The following PTPN5 variants were observed in gnomAD, a reference collection of about 807,000 sequenced individuals.
PTPN5 encodes protein tyrosine phosphatase non-receptor type 5.
In PTPN5, 29 loss-of-function variants were observed where a neutral mutation model predicts 73.9. The observed-to-expected ratio is 0.39, with a 90% CI of 0.29 to 0.54. PTPN5 has a LOEUF of 0.54. Ranked by LOEUF, PTPN5 falls within the 20% of genes least tolerant of loss-of-function variation. The pLI is 0.65. For synonymous variants in PTPN5, 267 were observed against 304.7 expected, an observed-to-expected ratio of 0.88 and a Z score of 1.29; for missense variants, 652 against 751.4, an observed-to-expected ratio of 0.87 and a Z score of 1.55.
At chr11:18,764,180 C>T (rs374992489) in intron 3 of PTPN5, among the ~76,000 whole-genome samples, 3 of 152,296 alleles carry the variant, frequency 2.0e-5, no homozygotes, top group East Asian at 1.9e-4. Context: ...TGACGGAACA[C>T]GCATTTCTTC....
At chr11:18,776,908 T>C (rs960626645) in intron 1 of PTPN5, among the ~76,000 whole-genome samples, 2 of 152,294 alleles carry the variant, frequency 1.3e-5, no homozygotes, top group South Asian at 2.1e-4. Flanking sequence ...ATGCCTGTAA[T>C]CCCAGAACTT....
intron 9 of PTPN5, among the ~76,000 whole-genome samples, chr11:18,735,092 C>T (rs1849056689): frequency 6.6e-6 from 1 of 152,176 alleles, no homozygotes; most frequent in Admixed American, 6.5e-5. Flanking sequence ...GTCCTTATGC[C>T]AGTAACTAGG....
chr11:18,747,962 G>C (rs1849714749), intron 3 of PTPN5, among the ~76,000 whole-genome samples: 1 of 152,106 alleles, frequency 6.6e-6, no homozygotes, highest in Non-Finnish European at 1.5e-5. Flanking sequence ...CAGTTCTTTG[G>C]GGTGGGGTGA....
chr11:18,763,687 T>A (rs749003576), intron 3 of PTPN5, among the ~76,000 whole-genome samples: 2 of 152,244 alleles, frequency 1.3e-5, no homozygotes, highest in Non-Finnish European at 2.9e-5. Context: ...TCTGTTTTAT[T>A]TACCTCTATA....
At chr11:18,781,066 A>G (rs1288163223) in intron 1 of PTPN5, among the ~76,000 whole-genome samples, 3 of 152,122 alleles carry the variant, frequency 2.0e-5, no homozygotes, top group Non-Finnish European at 4.4e-5. Flanking sequence ...TAGGCTTGAC[A>G]CAGAGACCTC....
chr11:18,747,600 T>A (rs1333715192), intron 3 of PTPN5, among the ~76,000 whole-genome samples: 1 of 152,218 alleles, frequency 6.6e-6, no homozygotes, highest in African/African-American at 2.4e-5. Flanking sequence ...TCCTATGGCT[T>A]TGCCCTCAGG....
intron 1 of PTPN5, among the ~76,000 whole-genome samples, chr11:18,785,792 C>A (rs1360590272): frequency 1.3e-5 from 2 of 152,022 alleles, no homozygotes; most frequent in African/African-American, 4.8e-5. Flanking sequence ...TACCTCACCA[C>A]AAAAAAGGAG....
intron 4 of PTPN5, 113 bp from the exon 5 acceptor site, chr11:18,743,542 T>G: frequency 1.0e-6 from 1 of 954,132 alleles, no homozygotes; most frequent in Non-Finnish European, 1.7e-6. Context: ...CCTGAACCTC[T>G]AAGGTCCAGA....
chr11:18,781,440 C>T (rs1851427348), intron 1 of PTPN5, among the ~76,000 whole-genome samples: 1 of 151,738 alleles, frequency 6.6e-6, no homozygotes, highest in Non-Finnish European at 1.5e-5. Context: ...CTGCCTCAGC[C>T]TCCCAAGTAG....
chr11:18,761,818 C>T (rs1299272006), intron 3 of PTPN5, among the ~76,000 whole-genome samples: 4 of 152,058 alleles, frequency 2.6e-5, no homozygotes, highest in Non-Finnish European at 4.4e-5. Context: ...GAGTGGAAGC[C>T]GCGGGATGGA....
At chr11:18,765,298 A>G (rs1850592226) in intron 3 of PTPN5, among the ~76,000 whole-genome samples, 1 of 152,042 alleles carries the variant, frequency 6.6e-6, no homozygotes, top group Admixed American at 6.5e-5. Flanking sequence ...TGCCTTGGTA[A>G]TATCTCCACG....
At chr11:18,758,173 ACTC>A (rs953088128) in intron 3 of PTPN5, among the ~76,000 whole-genome samples, 3 of 151,938 alleles carry the variant, frequency 2.0e-5, no homozygotes, top group Admixed American at 6.6e-5. Context: ...GATTCTCTGC[ACTC>A]CTCCTATCAA....
chr11:18,780,292 C>T (rs577827048), intron 1 of PTPN5, among the ~76,000 whole-genome samples: 59 of 152,294 alleles, frequency 3.9e-4, no homozygotes, highest in Admixed American at 3.7e-3. Flanking sequence ...TAGGAAAGGG[C>T]GGGTAAAAGA....
intron 3 of PTPN5, among the ~76,000 whole-genome samples, chr11:18,761,673 A>G (rs542364422): frequency 6.6e-6 from 1 of 152,232 alleles, no homozygotes; most frequent in African/African-American, 2.4e-5. Flanking sequence ...AAGAGGACAG[A>G]GAATGGAGAG....
intron 1 of PTPN5, among the ~76,000 whole-genome samples, chr11:18,776,067 C>T (rs577953689): frequency 2.0e-5 from 3 of 152,250 alleles, no homozygotes; most frequent in African/African-American, 2.4e-5. Flanking sequence ...AAAGGTTATC[C>T]GGTCTGATCC....
intron 9 of PTPN5, among the ~76,000 whole-genome samples, chr11:18,736,695 G>A (rs1294169178): frequency 6.6e-6 from 1 of 152,194 alleles, no homozygotes; most frequent in Non-Finnish European, 1.5e-5. Context: ...TGGGCTCGGG[G>A]GCCTGGAGGC....
At chr11:18,746,100 A>G (rs1256909169) in intron 3 of PTPN5, among the ~76,000 whole-genome samples, 2 of 145,578 alleles carry the variant, frequency 1.4e-5, no homozygotes, top group African/African-American at 2.5e-5. Flanking sequence ...TCTTTTACTC[A>G]GTTTTTTTTG....
Position 18,742,988 on chromosome 11 carries a change from T to A in PTPN5, c.483+4A>T. ...CTTGAGGTTGGGGTCAGGAGGCGCC[T>A]TACCAGGGTGGTAACGAGGACCAGG... On this transcript the variant is annotated splice_donor_region_variant and intron_variant, in intron 6 of 14. Transcript: ENST00000358540. The surrounding 1 kb of genome is among the most constrained non-coding windows in gnomAD (Gnocchi z 4.1). 6.5e-7 allele frequency: 1 copy of A among 1,547,706 alleles called. No individual in the cohort carries two copies. Among genetic ancestry groups the A allele is most frequent in the Non-Finnish European group, 8.7e-7 (1 of 1,143,504 alleles).
intron 8 of PTPN5, 54 bp from the exon 9 acceptor site, chr11:18,738,018 A>G: frequency 6.8e-7 from 1 of 1,469,346 alleles, no homozygotes; most frequent in African/African-American, 1.4e-5. Flanking sequence ...CAGATGTTTG[A>G]ATCCAGGGGC....
Sources: allele counts gnomAD v4.1 joint callset (sites outside exome capture counted in the v4.1 genomes callset), GRCh38; gene constraint gnomAD v4.1.1; non-coding constraint Gnocchi (gnomAD v3.1); transcripts MANE v1.5; gene names NCBI Gene and HGNC (gene_info 2026-07-23, HGNC 2026-07-21).